The following KDM1A variants were observed in gnomAD, a reference collection of about 807,000 sequenced individuals.
The protein encoded by KDM1A is lysine demethylase 1A, also known as lysine-specific histone demethylase 1A.
In KDM1A, 49 loss-of-function variants were observed where a neutral mutation model predicts 109.4. The ratio of observed to expected loss-of-function variants is 0.45; its 90% confidence interval spans 0.36 to 0.57. The LOEUF (loss-of-function observed/expected upper bound fraction) is 0.57, where lower values mean the gene tolerates loss of function less well. KDM1A is among the 20% of genes least tolerant of loss of function. The pLI is 0.00. For synonymous variants in KDM1A, 380 were observed against 415.4 expected, an observed-to-expected ratio of 0.91 and a Z score of 1.04; for missense variants, 668 against 1,116.6, an observed-to-expected ratio of 0.60 and a Z score of 5.73.
At chr1:23,042,450 T>A (rs1326801079) in intron 2 of KDM1A, among the ~76,000 whole-genome samples, 21 of 102,840 alleles carry the variant, frequency 2.0e-4, no homozygotes, top group East Asian at 2.9e-4. Flanking sequence ...ATTTTTTTTT[T>A]TTTTTTTTTT....
intron 4 of KDM1A, among the ~76,000 whole-genome samples, chr1:23,052,555 T>G (rs1642704270): frequency 6.6e-6 from 1 of 152,258 alleles, no homozygotes; most frequent in African/African-American, 2.4e-5. Context: ...TTAAATATAG[T>G]AGTGTTTAGT....
Position 23,078,987 on chromosome 1 carries a change from C to T in KDM1A, c.1868-3C>T, listed in dbSNP as rs201177000. On this transcript the variant is annotated splice_region_variant and splice_polypyrimidine_tract_variant and intron_variant, in intron 16 of 20. Coordinates refer to ENST00000400181, the MANE Select transcript of KDM1A (RefSeq NM_001009999.3). Reference sequence around the variant, plus strand: ...CTAGTCTTTTCCCACCCAACCTCTGCAGGATGTGAAGTGATAGCTGTGAAT... The same window carrying T: ...CTAGTCTTTTCCCACCCAACCTCTGTAGGATGTGAAGTGATAGCTGTGAAT... 6.2e-7 allele frequency: 1 copy of T among 1,611,914 alleles called. No homozygotes were observed. The highest frequency in any genetic ancestry group is 1.7e-5 in the Admixed American group (1 of 59,940).
chr1:23,079,545 T>C lies in KDM1A; in HGVS notation c.2056-8T>C, dbSNP rs1643560650. On this transcript the variant is annotated splice_region_variant and splice_polypyrimidine_tract_variant and intron_variant, in intron 17 of 20. Coordinates refer to ENST00000400181, the MANE Select transcript of KDM1A (RefSeq NM_001009999.3). This position sits in a 1 kb window ranked among gnomAD's most constrained non-coding sequence, Gnocchi z 5.6. The stretch of plus-strand genomic sequence containing the variant: ...GTCACTGGCTCATGTGCTTCTTTCT[T>C]ATGGTAGGTGGTGTTGTGTTTTGAT... 2 of 1,608,910 alleles carry C rather than the reference T, an allele frequency of 1.2e-6. No homozygotes were observed. Among genetic ancestry groups the C allele is most frequent in the East Asian group, 2.2e-5 (1 of 44,842 alleles).
chr1:23,066,133 T>TTTTAA, intron 10 of KDM1A, 62 bp downstream of exon 10: 1 of 1,141,086 alleles, frequency 8.8e-7, no homozygotes, highest in Non-Finnish European at 1.3e-6. Flanking sequence ...CATTAAAAGC[T>TTTTAA]TGAAACCTAA....
intron 3 of KDM1A, among the ~76,000 whole-genome samples, chr1:23,048,005 G>A (rs895583351): frequency 2.6e-5 from 4 of 151,812 alleles, no homozygotes; most frequent in African/African-American, 9.7e-5. Flanking sequence ...ATAGTATTTT[G>A]CAGTAGAATG....
At chr1:23,044,639 T>C (rs1036004821) in intron 3 of KDM1A, among the ~76,000 whole-genome samples, 153 bp downstream of exon 3, 12 of 151,946 alleles carry the variant, frequency 7.9e-5, no homozygotes, top group Non-Finnish European at 2.9e-5. Flanking sequence ...TAGGAGAGAG[T>C]GTAGTGAGAA....
intron 2 of KDM1A, among the ~76,000 whole-genome samples, chr1:23,039,488 A>G (rs1311742765): frequency 6.6e-6 from 1 of 152,158 alleles, no homozygotes; most frequent in African/African-American, 2.4e-5. Context: ...CTAAAATAGC[A>G]TTTGTTTTGT....
At chr1:23,081,713 G>A in intron 19 of KDM1A, 140 bp downstream of exon 19, 2 of 1,038,922 alleles carry the variant, frequency 1.9e-6, no homozygotes, top group East Asian at 2.7e-5. Context: ...AATGTTTGGA[G>A]TTCATGGCCT....
At chr1:23,056,154 TACTC>T (rs1273771978) in intron 7 of KDM1A, 116 bp downstream of exon 7, 2 of 672,552 alleles carry the variant, frequency 3.0e-6, no homozygotes, top group Non-Finnish European at 5.1e-6. Flanking sequence ...ATTTGTATAA[TACTC>T]AGAGTATTTT....
chr1:23,047,396 C>G (rs1569712991), intron 3 of KDM1A, among the ~76,000 whole-genome samples: 1 of 152,024 alleles, frequency 6.6e-6, no homozygotes, highest in Non-Finnish European at 1.5e-5. Context: ...TTCTTAGATG[C>G]TGTTTAGAAG....
chr1:23,032,301 G>A (rs899206039), intron 2 of KDM1A, among the ~76,000 whole-genome samples: 4 of 148,554 alleles, frequency 2.7e-5, no homozygotes, highest in Admixed American at 6.7e-5. Context: ...GTTGATAAAC[G>A]TTTCTTTGAA....
At chr1:23,021,115 G>C (rs1641613845) in intron 1 of KDM1A, among the ~76,000 whole-genome samples, 2 of 152,162 alleles carry the variant, frequency 1.3e-5, no homozygotes, top group African/African-American at 4.8e-5. Flanking sequence ...TTCTTGAGAT[G>C]AGTATTACCC....
chr1:23,042,950 A>G (rs1642396386), intron 2 of KDM1A, among the ~76,000 whole-genome samples: 1 of 149,848 alleles, frequency 6.7e-6, no homozygotes, highest in Admixed American at 6.7e-5. Context: ...GGTTTCACCA[A>G]GTTGGCTAGG....
In KDM1A at chr1:23,066,091, T is replaced by C. The variant is rs184940021; in HGVS notation, c.1179+20T>C. 158 of 1,524,088 alleles carry C rather than the reference T, an allele frequency of 1.0e-4. No homozygotes were observed. In the East Asian group the frequency reaches 3.3e-3, roughly 32 times the overall value. 94.4% of individuals were successfully genotyped at this position (1,524,088 alleles called of 1,614,324 possible). A position where few individuals can be genotyped will look rare whatever the true frequency, so the allele number is the denominator to read the frequency against. On this transcript the variant is annotated intron_variant, in intron 10 of 20. Coordinates refer to ENST00000400181, the MANE Select transcript of KDM1A (RefSeq NM_001009999.3). ...GTCAAGGTATTTTTTTCATAATTTT[T>C]CAAATCATTTTCCTCACTGTTTACA... is the stretch of plus-strand genomic sequence containing the variant.
At chr1:23,062,828 A>AG (rs1228377225) in intron 9 of KDM1A, among the ~76,000 whole-genome samples, 1 of 152,176 alleles carries the variant, frequency 6.6e-6, no homozygotes, top group East Asian at 1.9e-4. Flanking sequence ...AGGGATACTA[A>AG]GCATATCCCT....
intron 2 of KDM1A, among the ~76,000 whole-genome samples, chr1:23,043,142 T>C (rs1642402130): frequency 6.6e-6 from 1 of 152,250 alleles, no homozygotes; most frequent in Admixed American, 6.5e-5. Flanking sequence ...GTAGGACCTA[T>C]ATTTTCAAGA....
chr1:23,049,595 GA>G (rs1642604226), intron 3 of KDM1A, among the ~76,000 whole-genome samples: 1 of 151,214 alleles, frequency 6.6e-6, no homozygotes, highest in Non-Finnish European at 1.5e-5. Flanking sequence ...TGAGGCAGGA[GA>G]ATCGCTTGAA....
intron 2 of KDM1A, among the ~76,000 whole-genome samples, chr1:23,035,858 A>T (rs917497389): frequency 3.3e-5 from 5 of 152,330 alleles, no homozygotes; most frequent in African/African-American, 1.2e-4. Context: ...AGAACTTGGT[A>T]TAATAGAATT....
At position 23,061,618 on chromosome 1, in the gene KDM1A, G is replaced by GTC. The variant is rs746552615; in HGVS notation, c.1167+2454_1167+2455dup. 4.6e-5 allele frequency among the ~76,000 whole-genome samples: 7 copies of GTC among 151,012 alleles called. No individual in the cohort carries two copies. The South Asian group carries it at 1.5e-3, about 32-fold the overall frequency. ...TCTGTACTGCTGTCTCCAGTAGTCT[G>GTC]TCTCAGAGCAAGAATGGAAAACTGT... On this transcript the variant is annotated intron_variant, in intron 9 of 20. Coordinates refer to ENST00000400181, the MANE Select transcript of KDM1A (RefSeq NM_001009999.3).
Sources: allele counts gnomAD v4.1 joint callset (sites outside exome capture counted in the v4.1 genomes callset), GRCh38; gene constraint gnomAD v4.1.1; non-coding constraint Gnocchi (gnomAD v3.1); transcripts MANE v1.5; gene names NCBI Gene and HGNC (gene_info 2026-07-23, HGNC 2026-07-21).